The following TUBGCP5 variants were observed in gnomAD, a reference collection of about 807,000 sequenced individuals.
TUBGCP5 encodes the protein gamma-tubulin complex component 5.
TUBGCP5 carries 98 observed loss-of-function variants against 134.7 expected under a neutral mutation model. That is an observed-to-expected ratio of 0.73 (90% CI 0.62 to 0.86). The LOEUF is 0.86. Ranked by LOEUF, TUBGCP5 falls within the 40% of genes least tolerant of loss-of-function variation. The pLI is 0.00. For missense variants in TUBGCP5, 1,150 were observed against 1,244.8 expected (o/e 0.92, Z 1.15); for synonymous variants, 456 against 431.4 (o/e 1.06, Z -0.71).
rs1422331900 is a variant in TUBGCP5, at chr15:23,031,939, C to T, written c.486+11G>A. The T allele has an allele frequency of 6.3e-7, 1 of 1,592,958 alleles. No homozygotes were observed. Among genetic ancestry groups the T allele is most frequent in the Non-Finnish European group, 8.6e-7 (1 of 1,168,612 alleles). Reference sequence around the variant, plus strand: ...ATTTCAATTTTCAATAGCAAAACTACTACCACTTACTGGTGTGTCCATGTA... The same window carrying T: ...ATTTCAATTTTCAATAGCAAAACTATTACCACTTACTGGTGTGTCCATGTA... On this transcript the variant is annotated intron_variant, in intron 5 of 22. Coordinates refer to ENST00000615383, the MANE Select transcript of TUBGCP5 (RefSeq NM_052903.6).
intron 3 of TUBGCP5, among the ~76,000 whole-genome samples, chr15:23,033,427 C>T (rs532294694): frequency 1.8e-4 from 27 of 152,078 alleles, no homozygotes; most frequent in African/African-American, 2.4e-4. Context: ...TACAGGTACG[C>T]ACCACCACGC....
Position 23,010,012 on chromosome 15 carries a change from G to C in TUBGCP5, c.2077C>G (p.Pro693Ala). Residue 693 changes from proline (P) to alanine (A), a missense_variant, in exon 15 of 23, where the codon CCT (proline) becomes GCT (alanine). Physicochemically the swap from Pro to Ala is conservative, Grantham distance 27. Coordinates refer to ENST00000615383, the MANE Select transcript of TUBGCP5 (RefSeq NM_052903.6). ...FELTLRSCLY[P>A]HIDKQYLDCC... ...TCTAGATACTGCTTGTCAATATGAG[G>C]ATAGAGGCAGGATCTCAGCGTTAAT... 1 of 1,614,080 alleles carries C rather than the reference G, an allele frequency of 6.2e-7. No homozygotes were observed. Among genetic ancestry groups the C allele is most frequent in the Non-Finnish European group, 8.5e-7 (1 of 1,180,010 alleles).
At position 22,992,934 on chromosome 15, in the gene TUBGCP5, G is replaced by A. The variant is rs150346058; in HGVS notation, c.*61+3911C>T. Reference sequence around the variant, plus strand: ...AAAATGTGAGAGGAGAGCATTAACTGAGAGAAAGATTTAAAAAAAAAAGGA... The same window carrying A: ...AAAATGTGAGAGGAGAGCATTAACTAAGAGAAAGATTTAAAAAAAAAAGGA... On this transcript the variant is annotated intron_variant and NMD_transcript_variant, in intron 23 of 23. Transcript: ENST00000614508. 3.7e-4 allele frequency among the ~76,000 whole-genome samples: 56 copies of A among 152,066 alleles called. 1 individual carries two copies. The highest frequency in any genetic ancestry group is 6.8e-3 in the Middle Eastern group (2 of 294).
intron 6 of TUBGCP5, 64 bp from the exon 7 acceptor site, chr15:23,027,370 G>T: frequency 7.7e-7 from 1 of 1,294,884 alleles, no homozygotes; most frequent in Non-Finnish European, 1.1e-6. Flanking sequence ...ACAATACCTG[G>T]ACTTACAGCT....
intron 13 of TUBGCP5, among the ~76,000 whole-genome samples, chr15:23,016,970 A>ATATGTATG (rs1006175925): frequency 1.1e-5 from 1 of 89,662 alleles, no homozygotes; most frequent in African/African-American, 7.4e-5. Context: ...AAATTGTGAG[A>ATATGTATG]TATATATATA....
downstream of TUBGCP5, among the ~76,000 whole-genome samples, chr15:22,995,027 C>T (rs750078969): frequency 5.9e-5 from 9 of 152,028 alleles, no homozygotes; most frequent in Non-Finnish European, 1.3e-4. Context: ...ACGGATCACT[C>T]GAGGTCGGGA....
At chr15:23,032,152 T>G in intron 4 of TUBGCP5, 123 bp from the exon 5 acceptor site, 2 of 620,726 alleles carry the variant, frequency 3.2e-6, no homozygotes, top group South Asian at 2.5e-5. Context: ...TTAAAAATAT[T>G]GAAACATTTA....
chr15:23,019,524 G>T (rs548200044), intron 11 of TUBGCP5, 190 bp from the exon 12 acceptor site: 15 of 573,626 alleles, frequency 2.6e-5, no homozygotes, highest in Admixed American at 2.4e-4. Flanking sequence ...AATGCCGGGC[G>T]TGGTGGCTCA....
At chr15:23,036,253 G>A (rs1170691175) in intron 3 of TUBGCP5, among the ~76,000 whole-genome samples, 1 of 152,154 alleles carries the variant, frequency 6.6e-6, no homozygotes, top group Non-Finnish European at 1.5e-5. Context: ...TCAGCCGAGT[G>A]GCCCTGGGGG....
At chr15:22,994,862 C>T (rs912418905), downstream of TUBGCP5, among the ~76,000 whole-genome samples, 5 of 152,124 alleles carry the variant, frequency 3.3e-5, no homozygotes, top group Non-Finnish European at 7.3e-5. Context: ...CGCCTGTAAT[C>T]CCAGCACTTT....
At chr15:23,022,246 C>T (rs1220976807) in intron 10 of TUBGCP5, 85 bp from the exon 11 acceptor site, 1 of 1,442,122 alleles carries the variant, frequency 6.9e-7, no homozygotes, top group Non-Finnish European at 9.7e-7. Flanking sequence ...AATCATCAGG[C>T]TTATGGACAG....
At chr15:23,029,850 T>C (rs1362535041) in intron 6 of TUBGCP5, among the ~76,000 whole-genome samples, 3 of 151,060 alleles carry the variant, frequency 2.0e-5, no homozygotes, top group African/African-American at 2.4e-5. Flanking sequence ...TACTGTACCA[T>C]AGCCTGGGCG....
At chr15:23,016,276 T>G (rs895280743) in intron 13 of TUBGCP5, among the ~76,000 whole-genome samples, 1 of 152,164 alleles carries the variant, frequency 6.6e-6, no homozygotes, top group African/African-American at 2.4e-5. Flanking sequence ...GCAGATCACT[T>G]GAGGTCAGGA....
chr15:23,024,036 G>A lies in TUBGCP5; in HGVS notation c.1079C>T (p.Thr360Ile). 1 of 1,614,096 alleles carries A rather than the reference G, an allele frequency of 6.2e-7. No individual in the cohort carries two copies. Residue 360 changes from threonine to isoleucine, a missense_variant, in exon 10 of 23, where the codon ACC becomes ATC. Thr to Ile is a moderately conservative substitution (Grantham distance 89). This residue lies in a region of TUBGCP5 where 697 missense variants were observed against 850.1 expected (regional missense o/e 0.82). Transcript: ENST00000615383. ...PKKSTEAPFR[T>I]YQAFMWALYK... Reference sequence around the variant, plus strand: ...CAGGGCCCACATGAAAGCCTGGTAGGTTCTAAAGGGAGCTTCAGTTGACTT... The same window carrying A: ...CAGGGCCCACATGAAAGCCTGGTAGATTCTAAAGGGAGCTTCAGTTGACTT...
chr15:23,014,528 C>A (rs2140488883), intron 13 of TUBGCP5, among the ~76,000 whole-genome samples: 1 of 152,332 alleles, frequency 6.6e-6, no homozygotes, highest in South Asian at 2.1e-4. Context: ...AGTAATCACA[C>A]CCTCATGCCA....
chr15:23,026,216 GCAAA>G lies in TUBGCP5; in HGVS notation c.738-15_738-12del, dbSNP rs2065979784. The G allele has an allele frequency of 6.2e-7, 1 of 1,608,408 alleles. No homozygotes were observed. The highest frequency in any genetic ancestry group is 1.3e-5 in the African/African-American group (1 of 74,740). On this transcript the variant is annotated splice_polypyrimidine_tract_variant and intron_variant, in intron 7 of 22. Transcript: ENST00000615383. ...TACAAGTGTTGGTCCCTATGAGACAGCAAACATAAATGTCAATAGAAAGGTTTCT... is the reference window on the plus strand; with the variant it reads ...TACAAGTGTTGGTCCCTATGAGACAGCATAAATGTCAATAGAAAGGTTTCT...
chr15:22,991,772 G>A (rs886383167), intron 23 of TUBGCP5, among the ~76,000 whole-genome samples: 2 of 152,220 alleles, frequency 1.3e-5, no homozygotes, highest in African/African-American at 4.8e-5. Flanking sequence ...CCAAAGTGTA[G>A]ATGTTTGGGA....
At chr15:22,985,862 G>A (rs927122592) in intron 23 of TUBGCP5, among the ~76,000 whole-genome samples, 8 of 148,612 alleles carry the variant, frequency 5.4e-5, no homozygotes, top group African/African-American at 1.5e-4. Context: ...GGCCGGGCAC[G>A]GTGGCTCATG....
intron 13 of TUBGCP5, 50 bp downstream of exon 13, chr15:23,017,722 AG>A: frequency 6.5e-7 from 1 of 1,545,570 alleles, no homozygotes. Flanking sequence ...AAGAGCGAGT[AG>A]GGTCAGGTGT....
Sources: gnomAD v4.1 joint callset for allele counts (sites outside exome capture counted in the v4.1 genomes callset) on GRCh38, gnomAD v4.1.1 for gene constraint, gnomAD v4.1.1 regional missense constraint, MANE v1.5 for transcripts, NCBI Gene and HGNC (gene_info 2026-07-23, HGNC 2026-07-21) for gene names.